Variants in DPYD observed in about 807,000 individuals in gnomAD.
DPYD encodes dihydropyrimidine dehydrogenase.
Under a neutral mutation model 116.2 loss-of-function variants are expected in DPYD, and 109 were observed. That is an observed-to-expected ratio of 0.94 (90% CI 0.80 to 1.10). The LOEUF (loss-of-function observed/expected upper bound fraction) is 1.10, where lower values mean the gene tolerates loss of function less well. Ranked by LOEUF, DPYD falls within the 50% of genes least tolerant of loss-of-function variation. The probability of loss-of-function intolerance (pLI) is 0.00; values close to 1 mark genes in which losing one functional copy is unlikely to be tolerated. For missense variants in DPYD, 1,302 were observed against 1,254.5 expected, an observed-to-expected ratio of 1.04 and a Z score of -0.57; for synonymous variants, 440 against 432.0, an observed-to-expected ratio of 1.02 and a Z score of -0.23.
At chr1:97,543,353 T>C (rs1650592058) in intron 12 of DPYD, among the ~76,000 whole-genome samples, 1 of 152,188 alleles carries the variant, frequency 6.6e-6, no homozygotes, top group African/African-American at 2.4e-5. Flanking sequence ...TAAGTGGTAA[T>C]TGAGCAAATT....
intron 19 of DPYD, among the ~76,000 whole-genome samples, chr1:97,196,628 A>G (rs1321622466): frequency 6.6e-6 from 1 of 152,166 alleles, no homozygotes; most frequent in African/African-American, 2.4e-5. Context: ...TAAATATATT[A>G]TCTTCTTTAG....
At chr1:97,147,407 G>T (rs1654706503) in intron 20 of DPYD, among the ~76,000 whole-genome samples, 1 of 152,088 alleles carries the variant, frequency 6.6e-6, no homozygotes, top group Non-Finnish European at 1.5e-5. Flanking sequence ...TAGGTTGCAG[G>T]GAGATCACAA....
At chr1:97,092,454 A>C (rs1239779817) in intron 21 of DPYD, among the ~76,000 whole-genome samples, 3 of 152,128 alleles carry the variant, frequency 2.0e-5, no homozygotes, top group African/African-American at 7.2e-5. Context: ...CCTATTCTTA[A>C]GACTTCCTTT....
At chr1:97,334,537 CG>C (rs1409782113) in intron 16 of DPYD, among the ~76,000 whole-genome samples, 6 of 152,166 alleles carry the variant, frequency 3.9e-5, no homozygotes, top group African/African-American at 1.4e-4. Context: ...GACCATAAGT[CG>C]CTTTCAGGCT....
chr1:97,738,747 A>T (rs12092177), intron 4 of DPYD, among the ~76,000 whole-genome samples: 1,938 of 152,018 alleles, frequency 0.013, 47 homozygotes, highest in African/African-American at 0.045. Flanking sequence ...ATCATCTTCA[A>T]ATCTCTCATA....
intron 5 of DPYD, among the ~76,000 whole-genome samples, chr1:97,718,140 G>C (rs568682645): frequency 9.9e-5 from 15 of 151,944 alleles, no homozygotes; most frequent in African/African-American, 3.4e-4. Flanking sequence ...ATTATTTTTT[G>C]ATTTTTAAAT....
chr1:97,339,729 T>C (rs1030112774), intron 16 of DPYD, among the ~76,000 whole-genome samples: 17 of 152,298 alleles, frequency 1.1e-4, no homozygotes, highest in Middle Eastern at 3.4e-3. Flanking sequence ...ATAAACAGTG[T>C]TAACTTGTTT....
intron 13 of DPYD, among the ~76,000 whole-genome samples, chr1:97,464,678 C>T (rs189321404): frequency 3.3e-5 from 5 of 152,234 alleles, no homozygotes; most frequent in Non-Finnish European, 1.5e-5. Context: ...TGCAGGTGCA[C>T]AGAAATCAAA....
intron 22 of DPYD, 133 bp downstream of exon 22, chr1:97,082,197 G>C: frequency 9.3e-7 from 1 of 1,075,364 alleles, no homozygotes. Context: ...AGGACAGAAA[G>C]ATGTACTGTT....
chr1:97,258,025 T>C (rs1372102634), intron 18 of DPYD, among the ~76,000 whole-genome samples: 2 of 151,994 alleles, frequency 1.3e-5, no homozygotes, highest in African/African-American at 2.4e-5. Flanking sequence ...AGAGAAGGAA[T>C]GGAGGGAATC....
chr1:97,191,420 CTAA>C (rs1164455514), intron 20 of DPYD, among the ~76,000 whole-genome samples: 1 of 152,074 alleles, frequency 6.6e-6, no homozygotes, highest in Non-Finnish European at 1.5e-5. Flanking sequence ...AAATGAATCA[CTAA>C]TATAATCACA....
At chr1:97,251,731 G>A (rs1663113917) in intron 18 of DPYD, among the ~76,000 whole-genome samples, 1 of 152,084 alleles carries the variant, frequency 6.6e-6, no homozygotes, top group African/African-American at 2.4e-5. Flanking sequence ...ACAAAATGAT[G>A]AGCATATAAA....
rs1252739020 is a variant in DPYD, at chr1:97,133,077, C to CT, written c.2623-34446dup. ...AGTTAGCTTGAACATTTTCTAGGTT[C>CT]TTTTTTAGATGTATTTCTTGTTTTG... On this transcript the variant is annotated intron_variant, in intron 20 of 22. Transcript: ENST00000370192. Among the ~76,000 whole-genome samples, 6 of 151,910 alleles carry CT rather than the reference C, an allele frequency of 3.9e-5. No individual in the cohort carries two copies. The East Asian group carries it at 1.2e-3, about 29-fold the overall frequency.
At chr1:97,734,368 ACT>A (rs1416736644) in intron 4 of DPYD, among the ~76,000 whole-genome samples, 1 of 151,922 alleles carries the variant, frequency 6.6e-6, no homozygotes, top group African/African-American at 2.4e-5. Flanking sequence ...CTATTTATAG[ACT>A]CTCATCTGTT....
At chr1:97,835,366 A>T (rs1470772442) in intron 2 of DPYD, among the ~76,000 whole-genome samples, 1 of 152,120 alleles carries the variant, frequency 6.6e-6, no homozygotes, top group African/African-American at 2.4e-5. Context: ...ATGTGAAAAT[A>T]TATACATTGT....
intron 16 of DPYD, among the ~76,000 whole-genome samples, chr1:97,362,998 C>A (rs1670819665): frequency 6.6e-6 from 1 of 152,126 alleles, no homozygotes; most frequent in African/African-American, 2.4e-5. Flanking sequence ...AAATAAATTA[C>A]CATCAGAGTG....
chr1:97,720,647 C>A (rs1356579806), intron 5 of DPYD: 2 of 1,276,028 alleles, frequency 1.6e-6, no homozygotes, highest in East Asian at 3.5e-5. Flanking sequence ...GGAAGGGTCC[C>A]AAAATGAAAG....
chr1:97,552,255 C>T (rs1651378101), intron 11 of DPYD, among the ~76,000 whole-genome samples: 1 of 152,062 alleles, frequency 6.6e-6, no homozygotes, highest in African/African-American at 2.4e-5. Flanking sequence ...TTCACTTGAG[C>T]ACAGTGAATT....
chr1:97,727,414 C>T (rs971525496), intron 4 of DPYD, among the ~76,000 whole-genome samples: 1 of 151,656 alleles, frequency 6.6e-6, no homozygotes, highest in Non-Finnish European at 1.5e-5. Context: ...AGGATTCTGA[C>T]TGGCAAGCTG....
Sources: gnomAD v4.1 joint callset for allele counts (sites outside exome capture counted in the v4.1 genomes callset) on GRCh38, gnomAD v4.1.1 for gene constraint, MANE v1.5 for transcripts, NCBI Gene and HGNC (gene_info 2026-07-23, HGNC 2026-07-21) for gene names.